Variants in SMTN observed in about 807,000 individuals in gnomAD.
SMTN encodes smoothelin.
SMTN carries 58 observed loss-of-function variants against 102.0 expected under a neutral mutation model. The ratio of observed to expected loss-of-function variants is 0.57; its 90% CI spans 0.46 to 0.71. The LOEUF is 0.71. Ranked by LOEUF, SMTN falls within the 30% of genes least tolerant of loss-of-function variation. The pLI is 0.00. For missense variants in SMTN, 1,185 were observed against 1,241.7 expected, an observed-to-expected ratio of 0.95 and a Z score of 0.69; for synonymous variants, 478 against 497.9, an observed-to-expected ratio of 0.96 and a Z score of 0.53.
chr22:31,090,877 G>T lies in SMTN; in HGVS notation c.935G>T (p.Arg312Leu). ...AGCCCCCGCCAACCAGCCCAGAACC[G>T]AGGTACTACCTATTCTCACCCTGCC... ...VLSPRQPAQN[R>L]ESTPLASGPS... Residue 312 changes from arginine to leucine, a missense_variant and splice_region_variant, in exon 9 of 21, where the codon CGA becomes CTA. Arg to Leu is a moderately radical substitution (Grantham distance 102, BLOSUM62 -2). Coordinates refer to ENST00000333137, the MANE Select transcript of SMTN (RefSeq NM_134269.3). 1 of 1,613,866 alleles carries T rather than the reference G, an allele frequency of 6.2e-7. No individual in the cohort carries two copies. Among genetic ancestry groups the T allele is most frequent in the African/African-American group, 1.3e-5 (1 of 74,954 alleles).
At chr22:31,082,750 T>C in intron 1 of SMTN, 1 of 976,810 alleles carries the variant, frequency 1.0e-6, no homozygotes, top group Non-Finnish European at 1.5e-6. Flanking sequence ...AGCCAGAAGC[T>C]GAGCCTGCGG....
Position 31,090,977 on chromosome 22 carries a change from C to T in SMTN, c.954C>T (p.Ala318=). Residue 318 remains alanine, a synonymous_variant, in exon 10 of 21, where the codon GCC becomes GCT. Coordinates refer to ENST00000333137, the MANE Select transcript of SMTN (RefSeq NM_134269.3). ...PAQNRESTPL[A]SGPSSFQRAG... ...TCCTTCTAGAGTCCACCCCCCTTGC[C>T]AGCGGACCTTCCTCATTCCAGCGGG... 1 of 1,613,348 alleles carries T rather than the reference C, an allele frequency of 6.2e-7. No homozygotes were observed. Among genetic ancestry groups the T allele is most frequent in the Non-Finnish European group, 8.5e-7 (1 of 1,179,506 alleles).
At position 31,087,952 on chromosome 22, in the gene SMTN, G is replaced by T. The variant is rs367660649; in HGVS notation, c.52-13G>T. On this transcript the variant is annotated splice_polypyrimidine_tract_variant and intron_variant, in intron 2 of 20. Coordinates refer to ENST00000333137, the MANE Select transcript of SMTN (RefSeq NM_134269.3). ...TGGCAGCCAAAATGACCTGCCTCTC[G>T]CACCCACTGCAGCTGGAGGTCACAG... The T allele has an allele frequency of 7.0e-6, 11 of 1,574,654 alleles. No individual in the cohort carries two copies. The Admixed American group carries it at 1.3e-4, about 18-fold the overall frequency.
Position 31,097,251 on chromosome 22 carries a change from C to T in SMTN, c.2090-18C>T, listed in dbSNP as rs1485370599. ...CCAGCCCAGGCCCTCACCTGGTGCC[C>T]CTTCCCCTTTTTTGCAGATGGCAGT... On this transcript the variant is annotated intron_variant, in intron 15 of 20. Coordinates refer to ENST00000333137, the MANE Select transcript of SMTN (RefSeq NM_134269.3). The T allele has an allele frequency of 6.2e-7, 1 of 1,613,700 alleles. No individual in the cohort carries two copies.
intron 1 of SMTN, chr22:31,064,767 C>T (rs1205224727): frequency 6.6e-6 from 1 of 152,140 alleles, no homozygotes; most frequent in Non-Finnish European, 1.5e-5. Context: ...AAAAATAGTT[C>T]AGAGTTATCC....
Position 31,095,155 on chromosome 22 carries a change from G to A in SMTN, c.1633-148G>A. 1 of 750,274 alleles carries A rather than the reference G, an allele frequency of 1.3e-6. No individual in the cohort carries two copies. The highest frequency in any genetic ancestry group is 2.2e-6 in the Non-Finnish European group (1 of 463,962). The allele number at this position is 750,274 out of a possible 1,614,324, so 46.5% of individuals were successfully genotyped here. A position where few individuals can be genotyped will look rare whatever the true frequency, so the allele number is the denominator to read the frequency against. On this transcript the variant is annotated intron_variant, in intron 11 of 20. Transcript: ENST00000333137. The surrounding 1 kb of genome is among the most constrained non-coding windows in gnomAD (Gnocchi z 4.1). ...CCTCTTCCCTGACTGACGCTGACAT[G>A]GCCATCTTTGGGCAGGCAGGCTGGC...
intron 1 of SMTN, chr22:31,068,341 T>TA (rs2041915904): frequency 6.6e-6 from 1 of 151,994 alleles, no homozygotes; most frequent in South Asian, 2.1e-4. Context: ...CCAAGTCCTT[T>TA]TAGGGGAGCT....
At chr22:31,077,495 G>T (rs903909398), upstream of SMTN, among the ~76,000 whole-genome samples, 1 of 152,098 alleles carries the variant, frequency 6.6e-6, no homozygotes, top group Admixed American at 6.5e-5. Context: ...AGGTCATAGT[G>T]GTAACAAAAT....
upstream of SMTN, chr22:31,081,170 G>A (rs565156638): frequency 2.6e-5 from 4 of 152,140 alleles, no homozygotes; most frequent in Admixed American, 2.0e-4. Context: ...CCCGCGAGGG[G>A]CGGGGCCTTC....
chr22:31,096,749 GC>G lies in SMTN; in HGVS notation c.1879del (p.Arg627GlyfsTer66). The G allele has an allele frequency of 6.4e-7, 1 of 1,551,672 alleles. No homozygotes were observed. The highest frequency in any genetic ancestry group is 1.9e-5 in the Admixed American group (1 of 52,980). On this transcript the variant is annotated frameshift_variant, in exon 14 of 21. Coordinates refer to ENST00000333137, the MANE Select transcript of SMTN (RefSeq NM_134269.3). LOFTEE classifies it high-confidence loss of function. The stretch of plus-strand genomic sequence containing the variant: ...CCTGCCCAGACCAGCGGGACAAGGA[GC>G]GGGAACGGCGGCTGCAGGAGGCACG... The part of the protein sequence containing the change: ...QRKRDQRDKE[R>X]ERRLQEARGR...
Position 31,098,811 on chromosome 22 carries a change from T to C in SMTN, c.2304T>C (p.Ile768=). The C allele has an allele frequency of 1.2e-6, 2 of 1,611,064 alleles. No homozygotes were observed. The highest frequency in any genetic ancestry group is 1.1e-5 in the South Asian group (1 of 90,938). ...TSASQARKAM[I]EKLEKEGAAG... is the part of the protein sequence containing the mutation. ...CCTCCCAGGCGCGCAAGGCCATGAT[T>C]GAGAAGCTGGAGAAGGAGGGCGCGG... Residue 768 remains isoleucine, a synonymous_variant, in exon 17 of 21, where the codon ATT becomes ATC. Coordinates refer to ENST00000333137, the MANE Select transcript of SMTN (RefSeq NM_134269.3).
At chr22:31,092,034 A>C (rs879723225) in intron 11 of SMTN, among the ~76,000 whole-genome samples, 187 bp downstream of exon 11, 28 of 152,308 alleles carry the variant, frequency 1.8e-4, no homozygotes, top group African/African-American at 6.5e-4. Flanking sequence ...GCCAGACCCT[A>C]GCATATCAGT....
intron 1 of SMTN, among the ~76,000 whole-genome samples, chr22:31,075,768 G>A (rs2042113949): frequency 6.6e-6 from 1 of 152,024 alleles, no homozygotes; most frequent in Admixed American, 6.6e-5. Context: ...TTAGCCCAGT[G>A]CCCAGCACAT....
intron 2 of SMTN, chr22:31,085,290 G>C (rs530930829): frequency 4.5e-5 from 67 of 1,495,054 alleles, no homozygotes; most frequent in Admixed American, 1.9e-4. Flanking sequence ...GCGCGAGGCA[G>C]GGTGGGCGAG....
rs2042433933 is a variant in SMTN at position 31,083,279 on chromosome 22, T to G, written c.21T>G (p.Ala7=). The G allele has an allele frequency of 4.4e-6, 7 of 1,590,992 alleles. No individual in the cohort carries two copies. The highest frequency in any genetic ancestry group is 6.0e-6 in the Non-Finnish European group (7 of 1,171,254). The part of the protein sequence containing the change: MADEAL[A]GLDEGALRKL... ...GCGAGATGGCGGACGAGGCCTTAGCTGGGCTGGATGAGGGAGCCCTTCGGA... is the reference window on the plus strand; with the variant it reads ...GCGAGATGGCGGACGAGGCCTTAGCGGGGCTGGATGAGGGAGCCCTTCGGA... The change falls in exon 2 of 21, where the codon GCT becomes GCG. Residue 7 remains alanine, a synonymous_variant. Transcript: ENST00000333137.
At chr22:31,100,038 C>T in intron 19 of SMTN, 142 bp downstream of exon 19, 3 of 810,286 alleles carry the variant, frequency 3.7e-6, no homozygotes, top group African/African-American at 1.8e-5. Context: ...CCAGAGAGTC[C>T]CCGTCCTTCT....
chr22:31,085,609 C>T (rs1005693031), intron 2 of SMTN, among the ~76,000 whole-genome samples: 1 of 152,242 alleles, frequency 6.6e-6, no homozygotes, highest in African/African-American at 2.4e-5. Flanking sequence ...GCCCCATCCC[C>T]TTCCCCTTCC....
At chr22:31,096,555 T>C in intron 13 of SMTN, 178 bp from the exon 14 acceptor site, 1 of 558,518 alleles carries the variant, frequency 1.8e-6, no homozygotes, top group Non-Finnish European at 3.0e-6. Flanking sequence ...CCATTCCCTG[T>C]CAAGTTATGG....
chr22:31,084,850 C>T (rs2147588284), intron 2 of SMTN: 4 of 764,400 alleles, frequency 5.2e-6, no homozygotes, highest in Non-Finnish European at 7.5e-6. Flanking sequence ...CTCCAGCACC[C>T]GGCGCCCGCC....
Sources: gnomAD v4.1 joint callset for allele counts (sites outside exome capture counted in the v4.1 genomes callset) on GRCh38, gnomAD v4.1.1 for gene constraint, Gnocchi (gnomAD v3.1) non-coding constraint, MANE v1.5 for transcripts, NCBI Gene and HGNC (gene_info 2026-07-23, HGNC 2026-07-21) for gene names.